CNTNAP4: variants seen among roughly 807,000 people sequenced by gnomAD.
The protein encoded by CNTNAP4 is contactin associated protein family member 4.
In CNTNAP4, 98 loss-of-function variants were observed where a neutral mutation model predicts 148.4. The observed-to-expected ratio is 0.66, with a 90% CI of 0.56 to 0.78. CNTNAP4 has a LOEUF of 0.78. CNTNAP4 is among the 30% of genes least tolerant of loss of function. The pLI, the probability that CNTNAP4 is intolerant of heterozygous loss-of-function variation, is 0.00. For missense variants in CNTNAP4, 1,935 were observed against 1,565.6 expected (o/e 1.24, Z -3.98); for synonymous variants, 730 against 565.1 (o/e 1.29, Z -4.14).
At chr16:76,458,908 C>T (rs1276941844) in intron 8 of CNTNAP4, among the ~76,000 whole-genome samples, 1 of 152,170 alleles carries the variant, frequency 6.6e-6, no homozygotes, top group Non-Finnish European at 1.5e-5. Context: ...CTGCTTTCCA[C>T]AGAAGCTGAA....
rs561272551 is a variant in CNTNAP4 at position 76,379,600 on chromosome 16, A to G, written c.390+24089A>G. Among the ~76,000 whole-genome samples, 20 of 152,232 alleles carry G rather than the reference A, an allele frequency of 1.3e-4. 1 individual carries two copies. The highest frequency in any genetic ancestry group is 1.2e-3 in the Admixed American group (18 of 15,286). On this transcript the variant is annotated intron_variant, in intron 3 of 23. Coordinates refer to ENST00000611870, the MANE Select transcript of CNTNAP4 (RefSeq NM_033401.5). ...GTCACGTCCTAATTAATCAAATGCC[A>G]TTTTATCATTAATCTGAGAAGCACC...
chr16:76,362,381 G>A (rs1302715457), intron 3 of CNTNAP4, among the ~76,000 whole-genome samples: 1 of 152,074 alleles, frequency 6.6e-6, no homozygotes, highest in Non-Finnish European at 1.5e-5. Context: ...GTGGCATTTT[G>A]TTACAGAAAT....
chr16:76,529,734 T>G (rs1316348440), intron 17 of CNTNAP4, among the ~76,000 whole-genome samples: 1 of 152,200 alleles, frequency 6.6e-6, no homozygotes, highest in Non-Finnish European at 1.5e-5. Flanking sequence ...ATGGAATCTA[T>G]AAATATTTAT....
intron 20 of CNTNAP4, 81 bp downstream of exon 20, chr16:76,539,933 A>G: frequency 9.7e-7 from 1 of 1,036,104 alleles, no homozygotes. Flanking sequence ...TTGATAATGA[A>G]CACAATAAGC....
At chr16:76,384,182 T>C (rs1412109044) in intron 3 of CNTNAP4, among the ~76,000 whole-genome samples, 6 of 151,970 alleles carry the variant, frequency 3.9e-5, no homozygotes, top group African/African-American at 1.5e-4. Context: ...TAGCTGGGAT[T>C]ACAGGCATGC....
Position 76,358,076 on chromosome 16 carries a change from G to A in CNTNAP4, c.390+2565G>A, listed in dbSNP as rs577872094. The stretch of plus-strand genomic sequence containing the variant: ...AGGCTGGGCGTTTTGGCTCACATCT[G>A]TAATCCCAGGGCTTTGGGAGGCCAA... On this transcript the variant is annotated intron_variant, in intron 3 of 23. Coordinates refer to ENST00000611870, the MANE Select transcript of CNTNAP4 (RefSeq NM_033401.5). Among the ~76,000 whole-genome samples, 125 of 152,278 alleles carry A rather than the reference G, an allele frequency of 8.2e-4. 1 individual carries two copies. The highest frequency in any genetic ancestry group is 2.9e-3 in the South Asian group (14 of 4,828).
chr16:76,499,461 A>G (rs1319024361), intron 15 of CNTNAP4, among the ~76,000 whole-genome samples: 1 of 152,032 alleles, frequency 6.6e-6, no homozygotes, highest in Non-Finnish European at 1.5e-5. Context: ...AGATTTGGTA[A>G]TTCAGCCAGA....
rs572271377 is a variant in CNTNAP4, at chr16:76,508,840, C to T, written c.2365+10146C>T. ...CGATCTCGGCTCACTGCAAGCTCCG[C>T]CTCCTGGGTTCACGCCATTCTCCTG... On this transcript the variant is annotated intron_variant, in intron 15 of 23. Transcript: ENST00000611870. 5.2e-3 allele frequency among the ~76,000 whole-genome samples: 471 copies of T among 90,586 alleles called. 51 individuals carry two copies. Among genetic ancestry groups the T allele is most frequent in the African/African-American group, 0.012 (448 of 37,158 alleles). 59.4% of individuals were successfully genotyped at this position (90,586 alleles called of 152,430 possible).
At chr16:76,379,674 T>C (rs2015770196) in intron 3 of CNTNAP4, among the ~76,000 whole-genome samples, 1 of 152,226 alleles carries the variant, frequency 6.6e-6, no homozygotes, top group African/African-American at 2.4e-5. Context: ...AACCAAGCTG[T>C]GACACTATCT....
In CNTNAP4 at chr16:76,308,184, C is replaced by G. The variant is rs192944364; in HGVS notation, c.86-8229C>G. On this transcript the variant is annotated intron_variant, in intron 1 of 23. Coordinates refer to ENST00000611870, the MANE Select transcript of CNTNAP4 (RefSeq NM_033401.5). ...TTAGAAGCTCATGTTTGTGTTATTTCAAATATCTAAAACCAGGATTCTCAA... is the reference window on the plus strand; with the variant it reads ...TTAGAAGCTCATGTTTGTGTTATTTGAAATATCTAAAACCAGGATTCTCAA... 4.2e-3 allele frequency among the ~76,000 whole-genome samples: 637 copies of G among 152,002 alleles called. 2 individuals carry two copies. The highest frequency in any genetic ancestry group is 0.014 in the African/African-American group (599 of 41,468).
At chr16:76,328,701 A>G (rs1361761943) in intron 2 of CNTNAP4, among the ~76,000 whole-genome samples, 1 of 151,786 alleles carries the variant, frequency 6.6e-6, no homozygotes, top group East Asian at 1.9e-4. Flanking sequence ...GCTGGAGTGC[A>G]TTAGCGCAAT....
rs1960176475 is a variant in CNTNAP4 at position 76,303,384 on chromosome 16, C to T, written c.86-13029C>T. Among the ~76,000 whole-genome samples the T allele has an allele frequency of 1.3e-5, 2 of 152,068 alleles. 1 individual carries two copies. Among genetic ancestry groups the T allele is most frequent in the African/African-American group, 4.8e-5 (2 of 41,410 alleles). On this transcript the variant is annotated intron_variant, in intron 1 of 23. Transcript: ENST00000611870. ...AAAATAATTTAGTAATAAAATGGAA[C>T]ATTTGTTCAGTGATGTTGAAATATC... is the stretch of plus-strand genomic sequence containing the variant.
chr16:76,346,271 T>G (rs1458930956), intron 2 of CNTNAP4, among the ~76,000 whole-genome samples: 3 of 152,060 alleles, frequency 2.0e-5, no homozygotes, highest in Non-Finnish European at 4.4e-5. Flanking sequence ...GCACTTTACC[T>G]TTTTGATATA....
intron 1 of CNTNAP4, chr16:76,309,994 C>T (rs928837815): frequency 1.2e-5 from 8 of 651,268 alleles, no homozygotes; most frequent in Non-Finnish European, 2.0e-5. Flanking sequence ...GGGCCAGTTG[C>T]TACAGGAGTT....
At chr16:76,342,094 A>C (rs892507737) in intron 2 of CNTNAP4, among the ~76,000 whole-genome samples, 1 of 152,170 alleles carries the variant, frequency 6.6e-6, no homozygotes, top group Non-Finnish European at 1.5e-5. Context: ...CTTTGTTTTG[A>C]AAGCATCATC....
At chr16:76,468,261 A>G (rs1038157981) in intron 10 of CNTNAP4, among the ~76,000 whole-genome samples, 1 of 151,926 alleles carries the variant, frequency 6.6e-6, no homozygotes, top group African/African-American at 2.4e-5. Flanking sequence ...ATCACCTGAA[A>G]TCAGGAGTTC....
chr16:76,528,439 T>A (rs2083834135), intron 17 of CNTNAP4, among the ~76,000 whole-genome samples: 1 of 152,122 alleles, frequency 6.6e-6, no homozygotes, highest in Non-Finnish European at 1.5e-5. Flanking sequence ...CTATTTTTTG[T>A]ATTTTTTGTA....
intron 12 of CNTNAP4, 87 bp downstream of exon 12, chr16:76,479,625 C>T (rs116795413): frequency 6.1e-5 from 84 of 1,370,234 alleles, no homozygotes; most frequent in Non-Finnish European, 7.4e-5. Flanking sequence ...AGAATGTTGA[C>T]GTAATTTGCA....
At chr16:76,312,388 C>G (rs7187824) in intron 1 of CNTNAP4, among the ~76,000 whole-genome samples, 45,490 of 152,076 alleles carry the variant, frequency 0.3, 7,694 homozygotes, top group Non-Finnish European at 0.39. Flanking sequence ...AGTCTAGATC[C>G]TGTGTTTTAT....
Sources: allele counts gnomAD v4.1 joint callset (sites outside exome capture counted in the v4.1 genomes callset), GRCh38; gene constraint gnomAD v4.1.1; transcripts MANE v1.5; gene names NCBI Gene and HGNC (gene_info 2026-07-23, HGNC 2026-07-21).